The following NUAK2 variants were observed in gnomAD, a reference collection of about 807,000 sequenced individuals.
NUAK2 encodes the protein NUAK family kinase 2, also known as NUAK family SNF1-like kinase 2.
Under a neutral mutation model 29.8 loss-of-function variants are expected in NUAK2, and 20 were observed. That is an observed-to-expected ratio of 0.67 (90% CI 0.47 to 0.98). The LOEUF is 0.98. Among genes scored for constraint, NUAK2 ranks in the 50% least tolerant of loss-of-function variants. The pLI is 0.00. For synonymous variants in NUAK2, 331 were observed against 342.6 expected, an observed-to-expected ratio of 0.97 and a Z score of 0.37; for missense variants, 719 against 834.5, an observed-to-expected ratio of 0.86 and a Z score of 1.71.
At chr1:205,315,796 C>T (rs763673045) in intron 1 of NUAK2, among the ~76,000 whole-genome samples, 5 of 151,868 alleles carry the variant, frequency 3.3e-5, no homozygotes, top group Non-Finnish European at 5.9e-5. Flanking sequence ...TGCTTGAACC[C>T]GGGAGGGCAG....
chr1:205,306,112 T>G, intron 5 of NUAK2, 76 bp downstream of exon 5: 1 of 1,492,272 alleles, frequency 6.7e-7, no homozygotes, highest in Non-Finnish European at 9.0e-7. Context: ...ACGAGAAAAC[T>G]AGCCCATCAA....
At position 205,302,690 on chromosome 1, in the gene NUAK2, G is replaced by A. The variant is rs1384972376; in HGVS notation, c.*760C>T. On this transcript the variant is annotated 3_prime_UTR_variant, in exon 7 of 7. Transcript: ENST00000367157. Reference sequence around the variant, plus strand: ...GTGGATCACCTGAGGTCGGGAGTTTGAGACCAGCCTGACCAACATGGAGAA... The same window carrying A: ...GTGGATCACCTGAGGTCGGGAGTTTAAGACCAGCCTGACCAACATGGAGAA... The A allele has an allele frequency of 6.6e-6, 1 of 152,150 alleles. No individual in the cohort carries two copies. The highest frequency in any genetic ancestry group is 1.5e-5 in the Non-Finnish European group (1 of 68,042). 9.4% of individuals were successfully genotyped at this position (152,150 alleles called of 1,614,324 possible). A position where few individuals can be genotyped will look rare whatever the true frequency, so the allele number is the denominator to read the frequency against.
intron 1 of NUAK2, among the ~76,000 whole-genome samples, chr1:205,319,702 G>A (rs1662379740): frequency 6.6e-6 from 1 of 152,188 alleles, no homozygotes; most frequent in Non-Finnish European, 1.5e-5. Flanking sequence ...GTACATGATT[G>A]CCCAATAGCT....
rs1410123518 is a variant in NUAK2 at position 205,306,202 on chromosome 1, A to T, written c.676T>A (p.Tyr226Asn). The T allele has an allele frequency of 6.2e-7, 1 of 1,613,044 alleles. No individual in the cohort carries two copies. Residue 226 changes from tyrosine to asparagine, a missense_variant, in exon 5 of 7, where the codon TAC becomes AAC. Tyr to Asn is a moderately radical substitution (Grantham distance 143, BLOSUM62 -2). Around this residue, in one of 3 missense-constraint regions of NUAK2, gnomAD observed 283 missense variants for 345.6 expected, o/e 0.82. Transcript: ENST00000367157. ...TGGCCACTTACCTCTGGGCCTGTGT[A>T]GGGCTTCCCATTGACAATCTCTGGC... The part of the protein sequence containing the change: ...ASPEIVNGKP[Y>N]TGPEVDSWSL...
At chr1:205,315,538 T>C (rs1045308879) in intron 1 of NUAK2, among the ~76,000 whole-genome samples, 1 of 152,162 alleles carries the variant, frequency 6.6e-6, no homozygotes. Flanking sequence ...ACCTTTGTTC[T>C]CATCTGCAAG....
rs924503606 is a variant in NUAK2, at chr1:205,308,900, T to C, written c.353-168A>G. Among the ~76,000 whole-genome samples the C allele has an allele frequency of 8.5e-5, 13 of 152,078 alleles. No homozygotes were observed. Among genetic ancestry groups the C allele is most frequent in the Non-Finnish European group, 1.6e-4 (11 of 68,010 alleles). On this transcript the variant is annotated intron_variant, in intron 2 of 6. Coordinates refer to ENST00000367157, the MANE Select transcript of NUAK2 (RefSeq NM_030952.3). This position sits in a 1 kb window ranked among gnomAD's most constrained non-coding sequence, Gnocchi z 4.1. ...GCAAATAAGGGCAGAAGAAGGGCCT[T>C]GGAAGTTCTCAGCATCTTCCAGGAG...
At position 205,308,390 on chromosome 1, in the gene NUAK2, A is replaced by C. The variant is rs1385459994; in HGVS notation, c.505-160T>G. On this transcript the variant is annotated intron_variant, in intron 3 of 6. Transcript: ENST00000367157. This position sits in a 1 kb window ranked among gnomAD's most constrained non-coding sequence, Gnocchi z 4.1. Reference sequence around the variant, plus strand: ...TTATCGGTATGTGCTGCAAGAAATCACGGGCCCTTCTATCCGCGGAGAAGG... The same window carrying C: ...TTATCGGTATGTGCTGCAAGAAATCCCGGGCCCTTCTATCCGCGGAGAAGG... Among the ~76,000 whole-genome samples the C allele has an allele frequency of 6.6e-6, 1 of 152,088 alleles. No homozygotes were observed. The highest frequency in any genetic ancestry group is 1.5e-5 in the Non-Finnish European group (1 of 68,004).
Position 205,311,696 on chromosome 1 carries a change from C to T in NUAK2, c.352+9G>A, listed in dbSNP as rs768925801. On this transcript the variant is annotated intron_variant, in intron 2 of 6. Transcript: ENST00000367157. Reference sequence around the variant, plus strand: ...ACCCCCAAGTTCCAGCTTTAAGTGCCCACTGTACCTTCATGGATGGCAATG... The same window carrying T: ...ACCCCCAAGTTCCAGCTTTAAGTGCTCACTGTACCTTCATGGATGGCAATG... The T allele has an allele frequency of 5.0e-6, 8 of 1,614,010 alleles. No homozygotes were observed. Among genetic ancestry groups the T allele is most frequent in the East Asian group, 2.2e-5 (1 of 44,878 alleles).
At chr1:205,313,854 A>C (rs1662288870) in intron 1 of NUAK2, among the ~76,000 whole-genome samples, 1 of 152,190 alleles carries the variant, frequency 6.6e-6, no homozygotes, top group African/African-American at 2.4e-5. Flanking sequence ...CCAAGGACGC[A>C]AATGGTAAAT....
At position 205,303,884 on chromosome 1, in the gene NUAK2, C is replaced by T. The variant is rs1182887357; in HGVS notation, c.1453G>A (p.Glu485Lys). 3.1e-6 allele frequency: 5 copies of T among 1,613,902 alleles called. No individual in the cohort carries two copies. In the African/African-American group the frequency reaches 4.0e-5, roughly 13 times the overall value. The change falls in exon 7 of 7, where the codon GAG becomes AAG. Residue 485 changes from glutamate to lysine, a missense_variant. Around this residue, in one of 3 missense-constraint regions of NUAK2, gnomAD observed 430 missense variants for 465.7 expected, o/e 0.92. Coordinates refer to ENST00000367157, the MANE Select transcript of NUAK2 (RefSeq NM_030952.3). The part of the protein sequence containing the change: ...GDVFVSGDPK[E>K]QKPPQASGLL... ...CCTGAAGCTTGCGGAGGCTTCTGCT[C>T]CTTGGGATCCCCACTCACAAACACG...
At chr1:205,312,015 A>G (rs549224308) in intron 1 of NUAK2, among the ~76,000 whole-genome samples, 190 bp from the exon 2 acceptor site, 9 of 152,224 alleles carry the variant, frequency 5.9e-5, no homozygotes, top group Non-Finnish European at 7.3e-5. Context: ...ATCTCACCTG[A>G]GCTGAGTGCA....
At chr1:205,318,321 C>A (rs934695901) in intron 1 of NUAK2, among the ~76,000 whole-genome samples, 7 of 152,216 alleles carry the variant, frequency 4.6e-5, no homozygotes, top group African/African-American at 1.4e-4. Flanking sequence ...CGGGAGCTAA[C>A]TGTTGGAATA....
chr1:205,305,139 C>A, intron 6 of NUAK2, 60 bp downstream of exon 6: 1 of 1,582,262 alleles, frequency 6.3e-7, no homozygotes, highest in Non-Finnish European at 8.6e-7. Flanking sequence ...TAGTTTCTGC[C>A]TTAGGAATGA....
chr1:205,310,189 CA>C (rs1264698352), intron 2 of NUAK2, among the ~76,000 whole-genome samples: 5 of 152,302 alleles, frequency 3.3e-5, no homozygotes, highest in Admixed American at 2.6e-4. Context: ...TCCTTTTGTC[CA>C]GGGGGACAGG....
intron 5 of NUAK2, 173 bp from the exon 6 acceptor site, chr1:205,305,504 G>C (rs1321128289): frequency 9.8e-5 from 97 of 985,348 alleles, no homozygotes; most frequent in Non-Finnish European, 2.4e-6. Flanking sequence ...TTTCCTGCGA[G>C]GGACAGCCAC....
chr1:205,314,750 A>T (rs1662303266), intron 1 of NUAK2, among the ~76,000 whole-genome samples: 1 of 152,220 alleles, frequency 6.6e-6, no homozygotes, highest in South Asian at 2.1e-4. Context: ...CCATATCTAG[A>T]TAATCAAAAC....
Position 205,304,271 on chromosome 1 carries a change from G to C in NUAK2, c.1066C>G (p.Gln356Glu), listed in dbSNP as rs1305530292. The change falls in exon 7 of 7, where the codon CAG becomes GAG. Residue 356 changes from glutamine to glutamate, a missense_variant. By Grantham distance (29) the Gln-to-Glu change is conservative. This residue lies in a region of NUAK2 where 430 missense variants were observed against 465.7 expected (regional missense o/e 0.92). Transcript: ENST00000367157. This position sits in a 1 kb window ranked among gnomAD's most constrained non-coding sequence, Gnocchi z 6.5. ...NGAKVCSFFKQHAPGGGSTTP... is the reference protein window; with the variant it reads ...NGAKVCSFFKEHAPGGGSTTP... The stretch of plus-strand genomic sequence containing the variant: ...GTGCTTCCCCCACCAGGTGCATGCT[G>C]CTTGAAGAAGCTGCACACCTTGGCC... The C allele has an allele frequency of 6.2e-7, 1 of 1,613,868 alleles. No individual in the cohort carries two copies. Among genetic ancestry groups the C allele is most frequent in the South Asian group, 1.1e-5 (1 of 91,046 alleles).
At chr1:205,317,698 G>A (rs561007367) in intron 1 of NUAK2, among the ~76,000 whole-genome samples, 4 of 152,338 alleles carry the variant, frequency 2.6e-5, no homozygotes, top group African/African-American at 9.6e-5. Flanking sequence ...CTCCCTCCCT[G>A]CCGCTTAGCA....
rs1206703755 is a variant in NUAK2, at chr1:205,308,764, C to T, written c.353-32G>A. On this transcript the variant is annotated intron_variant, in intron 2 of 6. Coordinates refer to ENST00000367157, the MANE Select transcript of NUAK2 (RefSeq NM_030952.3). This position sits in a 1 kb window ranked among gnomAD's most constrained non-coding sequence, Gnocchi z 4.1. ...AGAGCAAGGCAAGGAACGTCAGGCC[C>T]TCCCAGAGTGCACTGCTCTCCACTG... is the stretch of plus-strand genomic sequence containing the variant. The T allele has an allele frequency of 1.2e-6, 2 of 1,608,810 alleles. No homozygotes were observed. The highest frequency in any genetic ancestry group is 1.3e-5 in the African/African-American group (1 of 74,880).
Sources: allele counts gnomAD v4.1 joint callset (sites outside exome capture counted in the v4.1 genomes callset), GRCh38; gene constraint gnomAD v4.1.1; regional missense constraint gnomAD v4.1.1; non-coding constraint Gnocchi (gnomAD v3.1); transcripts MANE v1.5; gene names NCBI Gene and HGNC (gene_info 2026-07-23, HGNC 2026-07-21).